The following TCF3 variants were observed in gnomAD, a reference collection of about 807,000 sequenced individuals.
TCF3 encodes the protein transcription factor 3.
Under a neutral mutation model 72.3 loss-of-function variants are expected in TCF3, and 54 were observed. The ratio of observed to expected loss-of-function variants is 0.75; its 90% CI spans 0.60 to 0.94. TCF3 has a LOEUF of 0.94. TCF3 is among the 40% of genes least tolerant of loss of function. TCF3 has a pLI of 0.00. For synonymous variants in TCF3, 525 were observed against 412.6 expected, an observed-to-expected ratio of 1.27 and a Z score of -3.30; for missense variants, 1,078 against 934.4, an observed-to-expected ratio of 1.15 and a Z score of -2.00.
At chr19:1,651,976 G>C (rs1392286282) in intron 1 of TCF3, among the ~76,000 whole-genome samples, 2 of 150,932 alleles carry the variant, frequency 1.3e-5, no homozygotes, top group African/African-American at 4.9e-5. Context: ...GGGCTGGGGG[G>C]GACGGTCCTC....
intron 1 of TCF3, 180 bp from the exon 2 acceptor site, chr19:1,650,467 A>C (rs2066845911): frequency 1.7e-6 from 1 of 574,478 alleles, no homozygotes. Flanking sequence ...GGGAAGCTGG[A>C]ATTCCAGAGT....
rs1161683810 is a variant in TCF3, at chr19:1,621,897, G to C, written c.896C>G (p.Ala299Gly). 1.9e-6 allele frequency: 3 copies of C among 1,598,368 alleles called. No individual in the cohort carries two copies. Residue 299 changes from alanine (A) to glycine (G), a missense_variant, in exon 11 of 19, where the codon GCC becomes GGC. Coordinates refer to ENST00000262965, the MANE Select transcript of TCF3 (RefSeq NM_003200.5). ...SASSFSSAPG[A>G]TYGGVSSHTP... is the part of the protein sequence containing the mutation. ...GTGGCTGGAGACGCCGCCGTACGTG[G>C]CTCCGGGGGCTGAGGAGAAGGAGGA...
rs1365687321 is a variant in TCF3, at chr19:1,646,335, G to A, written c.145+20C>T. 35 of 1,549,412 alleles carry A rather than the reference G, an allele frequency of 2.3e-5. No individual in the cohort carries two copies. Among genetic ancestry groups the A allele is most frequent in the Admixed American group, 9.8e-5 (5 of 50,930 alleles). ...TGATCTCCTCACTCCACGAGCGCTGGCAGGAAGGCGGGGTCCTACCTGAAC... is the reference window on the plus strand; with the variant it reads ...TGATCTCCTCACTCCACGAGCGCTGACAGGAAGGCGGGGTCCTACCTGAAC... On this transcript the variant is annotated intron_variant, in intron 3 of 18. Coordinates refer to ENST00000262965, the MANE Select transcript of TCF3 (RefSeq NM_003200.5).
intron 1 of TCF3, 36 bp from the exon 2 acceptor site, chr19:1,650,323 A>C: frequency 7.0e-7 from 1 of 1,438,144 alleles, no homozygotes; most frequent in Non-Finnish European, 9.4e-7. Context: ...GGACAGGGAG[A>C]AACAGGGAGG....
chr19:1,622,280 C>T (rs754077787), intron 9 of TCF3, 33 bp downstream of exon 9: 1 of 1,503,982 alleles, frequency 6.6e-7, no homozygotes, highest in Non-Finnish European at 8.9e-7. Context: ...CCCTGCCCTA[C>T]CGTCCCTGGC....
intron 6 of TCF3, 54 bp downstream of exon 6, chr19:1,627,305 G>A (rs962942380): frequency 7.4e-6 from 11 of 1,481,870 alleles, no homozygotes; most frequent in Admixed American, 1.9e-5. Context: ...GAGAGGGTGG[G>A]TGACAGATTT....
In TCF3 at chr19:1,621,908, T is replaced by C. The variant is rs1196724310; in HGVS notation, c.885A>G (p.Ser295=). 6.2e-7 allele frequency: 1 copy of C among 1,601,702 alleles called. No homozygotes were observed. The highest frequency in any genetic ancestry group is 1.1e-5 in the South Asian group (1 of 88,912). Residue 295 remains serine (S), a synonymous_variant, in exon 11 of 19, where the codon TCA becomes TCG. Transcript: ENST00000262965. ...CGCCGCCGTACGTGGCTCCGGGGGCTGAGGAGAAGGAGGATGCAGATGGGA... is the reference window on the plus strand; with the variant it reads ...CGCCGCCGTACGTGGCTCCGGGGGCCGAGGAGAAGGAGGATGCAGATGGGA... ...GGLPSASSFS[S]APGATYGGVS... is the part of the protein sequence containing the mutation.
chr19:1,627,464 C>G (rs1331414541), intron 5 of TCF3, 38 bp from the exon 6 acceptor site: 1 of 1,600,962 alleles, frequency 6.2e-7, no homozygotes, highest in African/African-American at 1.3e-5. Context: ...GAGGCGACCC[C>G]AAGGAACATC....
chr19:1,642,152 ACACACACACACAC>A (rs2065347755), intron 3 of TCF3, among the ~76,000 whole-genome samples: 1 of 151,338 alleles, frequency 6.6e-6, no homozygotes, highest in South Asian at 2.1e-4. Context: ...ACACACACAC[ACACACACACACAC>A]GCACGCGTAC....
chr19:1,618,397 G>A (rs983015722), intron 16 of TCF3, among the ~76,000 whole-genome samples: 7 of 152,088 alleles, frequency 4.6e-5, no homozygotes, highest in African/African-American at 1.2e-4. Context: ...GTGAGCACCT[G>A]GGTCAGGTCC....
rs573332902 is a variant in TCF3 at position 1,610,219 on chromosome 19, C to T, written c.*1488G>A. On this transcript the variant is annotated 3_prime_UTR_variant, in exon 19 of 19. Coordinates refer to ENST00000262965, the MANE Select transcript of TCF3 (RefSeq NM_003200.5). ...CACCCTGCTGGTTCTGCAGCAGGGTCGGACGCACAGCCCAAGGCCTTCGTG... is the reference window on the plus strand; with the variant it reads ...CACCCTGCTGGTTCTGCAGCAGGGTTGGACGCACAGCCCAAGGCCTTCGTG... 3.0e-5 allele frequency: 7 copies of T among 232,094 alleles called. No individual in the cohort carries two copies. Among genetic ancestry groups the T allele is most frequent in the Non-Finnish European group, 3.4e-5 (4 of 117,366 alleles). The allele number at this position is 232,094 out of a possible 1,614,324, so 14.4% of individuals were successfully genotyped here. A position where few individuals can be genotyped will look rare whatever the true frequency, so the allele number is the denominator to read the frequency against.
At chr19:1,648,499 C>T (rs1024519557) in intron 2 of TCF3, among the ~76,000 whole-genome samples, 10 of 152,188 alleles carry the variant, frequency 6.6e-5, no homozygotes, top group African/African-American at 9.7e-5. Flanking sequence ...CCCCCTCCCC[C>T]CAAACGCTGG....
intron 3 of TCF3, among the ~76,000 whole-genome samples, 156 bp downstream of exon 3, chr19:1,646,199 G>C (rs772571139): frequency 1.3e-5 from 2 of 152,158 alleles, no homozygotes; most frequent in Non-Finnish European, 2.9e-5. Context: ...GCTGATTTCA[G>C]GGGTCTTCAG....
At chr19:1,646,125 A>AGGGACGAG (rs989163190) in intron 3 of TCF3, among the ~76,000 whole-genome samples, 27 of 152,206 alleles carry the variant, frequency 1.8e-4, no homozygotes, top group African/African-American at 5.8e-4. Context: ...CAGGCGCGGG[A>AGGGACGAG]GGGACGAGGG....
intron 15 of TCF3, 30 bp downstream of exon 15, chr19:1,619,286 T>C: frequency 1.9e-6 from 3 of 1,568,220 alleles, no homozygotes; most frequent in South Asian, 1.2e-5. Flanking sequence ...CCCCGCCCAC[T>C]GCCCAGCTCC....
rs538284851 is a variant in TCF3, at chr19:1,627,400, C to A, written c.325G>T (p.Ala109Ser). The A allele has an allele frequency of 2.8e-5, 45 of 1,612,050 alleles. No individual in the cohort carries two copies. The East Asian group carries it at 9.1e-4, about 33-fold the overall frequency. The change falls in exon 6 of 19, where the codon GCC becomes TCC. Residue 109 changes from alanine to serine, a missense_variant. Coordinates refer to ENST00000262965, the MANE Select transcript of TCF3 (RefSeq NM_003200.5). ...GGKSGERGAYASFGRDAGVGG... is the reference protein window; with the variant it reads ...GGKSGERGAYSSFGRDAGVGG... ...ACGCCTGCGTCTCTCCCGAAGGAGG[C>A]ATAGGCGCCCCGCTCACCGCTCTTG...
chr19:1,623,926 G>A (rs1233723097), intron 8 of TCF3, 25 bp downstream of exon 8: 4 of 1,612,326 alleles, frequency 2.5e-6, no homozygotes, highest in East Asian at 2.2e-5. Flanking sequence ...GAGCTGTGGG[G>A]TCCCTTCTCC....
rs2061342331 is a variant in TCF3 at position 1,614,407 on chromosome 19, G to A, written c.1822+878C>T. Among the ~76,000 whole-genome samples the A allele has an allele frequency of 6.6e-6, 1 of 152,212 alleles. No homozygotes were observed. The highest frequency in any genetic ancestry group is 1.5e-5 in the Non-Finnish European group (1 of 68,036). On this transcript the variant is annotated intron_variant, in intron 18 of 18. Coordinates refer to ENST00000262965, the MANE Select transcript of TCF3 (RefSeq NM_003200.5). This position sits in a 1 kb window ranked among gnomAD's most constrained non-coding sequence, Gnocchi z 5.6. Reference sequence around the variant, plus strand: ...CAGCCCAGCCGCTCCCGGTGCTCGGGCAGCAAGTGCGAGGTGAGGAGGGGC... The same window carrying A: ...CAGCCCAGCCGCTCCCGGTGCTCGGACAGCAAGTGCGAGGTGAGGAGGGGC...
At chr19:1,647,900 T>C (rs1262231051) in intron 2 of TCF3, among the ~76,000 whole-genome samples, 1 of 152,142 alleles carries the variant, frequency 6.6e-6, no homozygotes, top group Non-Finnish European at 1.5e-5. Context: ...TGGGACGTGG[T>C]GAAACCCAAA....
Sources: allele counts gnomAD v4.1 joint callset (sites outside exome capture counted in the v4.1 genomes callset), GRCh38; gene constraint gnomAD v4.1.1; non-coding constraint Gnocchi (gnomAD v3.1); transcripts MANE v1.5; gene names NCBI Gene and HGNC (gene_info 2026-07-23, HGNC 2026-07-21).